VPS13C: variants seen among roughly 807,000 people sequenced by gnomAD.
VPS13C encodes the protein vacuolar protein sorting 13 homolog C, also known as intermembrane lipid transfer protein VPS13C.
VPS13C carries 358 observed loss-of-function variants against 456.8 expected under a neutral mutation model. The ratio of observed to expected loss-of-function variants is 0.78; its 90% CI spans 0.72 to 0.86. The LOEUF is 0.86. VPS13C is among the 40% of genes least tolerant of loss of function. The pLI, the probability that VPS13C is intolerant of heterozygous loss-of-function variation, is 0.00. For synonymous variants in VPS13C, 1,578 were observed against 1,486.7 expected (o/e 1.06, Z -1.41); for missense variants, 4,818 against 4,385.4 (o/e 1.10, Z -2.79).
In VPS13C at chr15:62,014,064, T is replaced by C. The variant is rs28493143; in HGVS notation, c.685-72A>G. On this transcript the variant is annotated intron_variant, in intron 9 of 84. Coordinates refer to ENST00000644861, the MANE Select transcript of VPS13C (RefSeq NM_020821.3). The stretch of plus-strand genomic sequence containing the variant: ...TAATAGCGCTCTAATACTTACATAA[T>C]GTAACAAAATAATTTAGGAAGAAAT... 42,515 of 1,077,744 alleles carry C rather than the reference T, an allele frequency of 0.039. 2,052 individuals are homozygous for C. The highest frequency in any genetic ancestry group is 0.21 in the African/African-American group (13,554 of 63,464). The allele number at this position is 1,077,744 out of a possible 1,614,324, so 66.8% of individuals were successfully genotyped here. A position where few individuals can be genotyped will look rare whatever the true frequency, so the allele number is the denominator to read the frequency against.
In VPS13C at chr15:62,033,548, A is replaced by C. The variant is rs1567132436; in HGVS notation, c.284-6T>G. 6.4e-7 allele frequency: 1 copy of C among 1,553,838 alleles called. No individual in the cohort carries two copies. Among genetic ancestry groups the C allele is most frequent in the Non-Finnish European group, 8.8e-7 (1 of 1,140,494 alleles). The stretch of plus-strand genomic sequence containing the variant: ...TACAGCATCATACTTAATACCTAAA[A>C]ATATACAGTCAATTCACACAAAAAT... On this transcript the variant is annotated splice_polypyrimidine_tract_variant and splice_region_variant and intron_variant, in intron 4 of 84. Transcript: ENST00000644861.
intron 58 of VPS13C, 136 bp downstream of exon 58, chr15:61,919,153 T>C: frequency 1.2e-6 from 1 of 840,956 alleles, no homozygotes; most frequent in South Asian, 2.3e-5. Context: ...TTACTATTTA[T>C]TTCTGAATAA....
intron 9 of VPS13C, among the ~76,000 whole-genome samples, chr15:62,016,727 A>G (rs925426278): frequency 6.6e-6 from 1 of 152,014 alleles, no homozygotes; most frequent in African/African-American, 2.4e-5. Flanking sequence ...TGCTGCAGTA[A>G]ACACATGTGT....
At chr15:61,872,258 A>G (rs1895090934) in intron 78 of VPS13C, among the ~76,000 whole-genome samples, 1 of 152,192 alleles carries the variant, frequency 6.6e-6, no homozygotes, top group Non-Finnish European at 1.5e-5. Context: ...TAAATTTTAT[A>G]AAAGAAACAG....
intron 27 of VPS13C, among the ~76,000 whole-genome samples, chr15:61,971,153 T>C (rs1264807318): frequency 9.9e-5 from 15 of 152,226 alleles, no homozygotes; most frequent in Admixed American, 5.2e-4. Context: ...ATGTAAGGCC[T>C]TGTAGGCCAT....
intron 1 of VPS13C, among the ~76,000 whole-genome samples, chr15:62,057,315 T>C (rs1399176267): frequency 6.6e-6 from 1 of 152,232 alleles, no homozygotes; most frequent in African/African-American, 2.4e-5. Flanking sequence ...GTCAACATCA[T>C]GGTTATCATA....
intron 16 of VPS13C, among the ~76,000 whole-genome samples, chr15:61,999,780 C>A (rs2046537879): frequency 6.8e-6 from 1 of 146,386 alleles, no homozygotes; most frequent in South Asian, 2.1e-4. Context: ...AGATCATTTC[C>A]AATTTCAGAA....
At chr15:61,964,589 A>G in intron 31 of VPS13C, 110 bp downstream of exon 31, 1 of 1,047,370 alleles carries the variant, frequency 9.5e-7, no homozygotes, top group Non-Finnish European at 1.3e-6. Context: ...TTTGAAGAAA[A>G]GGGGAAAATG....
At chr15:61,902,278 C>A (rs566719022) in intron 66 of VPS13C, among the ~76,000 whole-genome samples, 11 of 148,292 alleles carry the variant, frequency 7.4e-5, no homozygotes, top group Admixed American at 6.7e-4. Flanking sequence ...AGAAAAAAAA[C>A]GTAAAAAAAA....
At chr15:61,859,229 G>A (rs1337980590) in intron 82 of VPS13C, among the ~76,000 whole-genome samples, 1 of 151,998 alleles carries the variant, frequency 6.6e-6, no homozygotes, top group Non-Finnish European at 1.5e-5. Context: ...AAATTAGCTG[G>A]TGAATGCCTG....
At chr15:61,928,978 TG>T (rs2043963093) in intron 51 of VPS13C, among the ~76,000 whole-genome samples, 1 of 152,002 alleles carries the variant, frequency 6.6e-6, no homozygotes, top group African/African-American at 2.4e-5. Flanking sequence ...AGAAAATCAC[TG>T]ATCTACTGGA....
Position 61,873,413 on chromosome 15 carries a change from T to C in VPS13C, c.10415-4A>G. Reference sequence around the variant, plus strand: ...GATACAACTCCTGCTGCACCACCTATCAAAGACAAGGGATTAATTTCTAGA... The same window carrying C: ...GATACAACTCCTGCTGCACCACCTACCAAAGACAAGGGATTAATTTCTAGA... On this transcript the variant is annotated splice_polypyrimidine_tract_variant and splice_region_variant and intron_variant, in intron 77 of 84. Transcript: ENST00000644861. 1 of 1,612,984 alleles carries C rather than the reference T, an allele frequency of 6.2e-7. No homozygotes were observed. The highest frequency in any genetic ancestry group is 8.5e-7 in the Non-Finnish European group (1 of 1,179,436).
rs1894660895 is a variant in VPS13C at position 61,867,283 on chromosome 15, A to G, written c.10863+1376T>C. The G allele has an allele frequency of 9.1e-6, 9 of 984,724 alleles. No homozygotes were observed. Among genetic ancestry groups the G allele is most frequent in the Non-Finnish European group, 1.1e-5 (9 of 829,288 alleles). The allele number at this position is 984,724 out of a possible 1,614,324, so 61.0% of individuals were successfully genotyped here. A position where few individuals can be genotyped will look rare whatever the true frequency, so the allele number is the denominator to read the frequency against. ...GCTAAAGGCTGAAAATGTATATAAC[A>G]TAATTATAAAATGGCTATCATTTAT... On this transcript the variant is annotated intron_variant, in intron 81 of 84. Transcript: ENST00000644861. The surrounding 1 kb of genome is among the most constrained non-coding windows in gnomAD (Gnocchi z 5.0).
At chr15:61,908,137 T>G (rs1473545945) in intron 65 of VPS13C, among the ~76,000 whole-genome samples, 1 of 152,106 alleles carries the variant, frequency 6.6e-6, no homozygotes, top group East Asian at 1.9e-4. Context: ...TAAAATTGAT[T>G]ATTACAATTT....
At chr15:61,917,923 TAGTC>T (rs775595877) in intron 59 of VPS13C, among the ~76,000 whole-genome samples, 18 of 152,096 alleles carry the variant, frequency 1.2e-4, no homozygotes, top group Non-Finnish European at 7.4e-5. Context: ...CTAATAAAAA[TAGTC>T]AGAAAAATCC....
chr15:61,976,894 T>G lies in VPS13C; in HGVS notation c.2408+188A>C, dbSNP rs183815260. Among the ~76,000 whole-genome samples the G allele has an allele frequency of 2.5e-3, 379 of 152,108 alleles. 1 individual carries two copies. Among genetic ancestry groups the G allele is most frequent in the Non-Finnish European group, 1.3e-3 (87 of 67,904 alleles). On this transcript the variant is annotated intron_variant, in intron 24 of 84. Transcript: ENST00000644861. ...TTTACAGAATGTAAAAGTCCAAATA[T>G]TTCTGAAATAAGTGTTGATGTATAA...
At position 61,866,982 on chromosome 15, in the gene VPS13C, CA is replaced by C. The variant is rs149499815; in HGVS notation, c.10863+1676del. The stretch of plus-strand genomic sequence containing the variant: ...TGTTAAACATTTCCATCATTTATTA[CA>C]AAAAAAAGAAATTGAAACATAACTT... On this transcript the variant is annotated intron_variant, in intron 81 of 84. Transcript: ENST00000644861. 2.8e-3 allele frequency: 2,738 copies of C among 972,400 alleles called. 70 individuals carry two copies. In the African/African-American group the frequency reaches 0.045, roughly 16 times the overall value. The allele number at this position is 972,400 out of a possible 1,614,324, so 60.2% of individuals were successfully genotyped here.
chr15:62,030,108 G>T (rs909218426), intron 5 of VPS13C, among the ~76,000 whole-genome samples: 4 of 151,984 alleles, frequency 2.6e-5, no homozygotes, highest in African/African-American at 9.7e-5. Context: ...ACCAACAGAT[G>T]GGTTTACACG....
At chr15:61,881,019 C>T in intron 71 of VPS13C, 65 bp from the exon 72 acceptor site, 1 of 1,358,602 alleles carries the variant, frequency 7.4e-7, no homozygotes, top group Non-Finnish European at 1.0e-6. Context: ...AATGTTAAAA[C>T]TTTGATTTCA....
Sources: gnomAD v4.1 joint callset for allele counts (sites outside exome capture counted in the v4.1 genomes callset) on GRCh38, gnomAD v4.1.1 for gene constraint, Gnocchi (gnomAD v3.1) non-coding constraint, MANE v1.5 for transcripts, NCBI Gene and HGNC (gene_info 2026-07-23, HGNC 2026-07-21) for gene names.